SMURF2: variants seen among roughly 807,000 people sequenced by gnomAD.
SMURF2 encodes SMAD specific E3 ubiquitin protein ligase 2.
In SMURF2, 48 loss-of-function variants were observed where a neutral mutation model predicts 109.6. The observed-to-expected ratio is 0.44, with a 90% confidence interval of 0.35 to 0.56. The LOEUF (loss-of-function observed/expected upper bound fraction) is 0.56, where lower values mean the gene tolerates loss of function less well. Ranked by LOEUF, SMURF2 falls within the 20% of genes least tolerant of loss-of-function variation. SMURF2 has a pLI of 0.01. For missense variants in SMURF2, 575 were observed against 909.0 expected, an observed-to-expected ratio of 0.63 and a Z score of 4.72; for synonymous variants, 288 against 317.1, an observed-to-expected ratio of 0.91 and a Z score of 0.97.
intron 10 of SMURF2, 59 bp from the exon 11 acceptor site, chr17:64,563,025 T>A (rs1038150398): frequency 7.1e-7 from 1 of 1,409,948 alleles, no homozygotes. Context: ...ATTGCAATTA[T>A]AGATTTAAAA....
chr17:64,574,020 G>A (rs1475304310), intron 9 of SMURF2, among the ~76,000 whole-genome samples: 3 of 152,066 alleles, frequency 2.0e-5, no homozygotes, highest in African/African-American at 7.2e-5. Flanking sequence ...CAAAAATAAC[G>A]AATGGGTACT....
intron 16 of SMURF2, among the ~76,000 whole-genome samples, chr17:64,550,062 T>A (rs1278511162): frequency 6.6e-6 from 1 of 152,210 alleles, no homozygotes; most frequent in East Asian, 1.9e-4. Flanking sequence ...TATAAAGAGA[T>A]GAAAATGCAT....
At chr17:64,621,950 CGCAATAATA>C (rs1970209958) in intron 1 of SMURF2, among the ~76,000 whole-genome samples, 1 of 121,900 alleles carries the variant, frequency 8.2e-6, no homozygotes, top group South Asian at 2.4e-4. Context: ...GAGCCATCAT[CGCAATAATA>C]ATAATAATAA....
At chr17:64,566,560 G>GGTTTTTTTTTTTTT (rs1969305540) in intron 10 of SMURF2, among the ~76,000 whole-genome samples, 2 of 36,430 alleles carry the variant, frequency 5.5e-5, no homozygotes, top group African/African-American at 9.3e-5. Flanking sequence ...TAAGCTTTCT[G>GGTTTTTTTTTTTTT]GTTTTTTTTT....
chr17:64,585,118 A>G (rs1233627719), intron 6 of SMURF2, among the ~76,000 whole-genome samples: 2 of 152,228 alleles, frequency 1.3e-5, no homozygotes, highest in Non-Finnish European at 2.9e-5. Flanking sequence ...ATATACTTCA[A>G]TGGATGCAAT....
In SMURF2 at chr17:64,546,006, CA is replaced by C. The variant is rs1418478306; in HGVS notation, c.2148-60del. ...ATTCAAAATAAGTAAACTGGCCTAG[CA>C]AGTGTATACCAGTATAGCCACATCA... On this transcript the variant is annotated intron_variant, in intron 18 of 18. Transcript: ENST00000262435. 31 of 1,093,632 alleles carry C rather than the reference CA, an allele frequency of 2.8e-5. No homozygotes were observed. In the Middle Eastern group the frequency reaches 6.3e-4, roughly 22 times the overall value. The allele number at this position is 1,093,632 out of a possible 1,614,324, so 67.7% of individuals were successfully genotyped here.
rs879872644 is a variant in SMURF2 at position 64,662,057 on chromosome 17, G to T, written c.-177C>A. The T allele has an allele frequency of 2.6e-5, 29 of 1,106,048 alleles. No individual in the cohort carries two copies. The highest frequency in any genetic ancestry group is 3.1e-5 in the Non-Finnish European group (28 of 907,788). 68.5% of individuals were successfully genotyped at this position (1,106,048 alleles called of 1,614,324 possible). A position where few individuals can be genotyped will look rare whatever the true frequency, so the allele number is the denominator to read the frequency against. ...CCATGAGCCGCGGAGGGAGCGGGAC[G>T]CCGAGCTCCCCCCTCCTCCCACTTC... On this transcript the variant is annotated 5_prime_UTR_variant, in exon 1 of 19. Transcript: ENST00000262435.
chr17:64,646,303 T>C (rs967575106), intron 1 of SMURF2, among the ~76,000 whole-genome samples: 1 of 151,716 alleles, frequency 6.6e-6, no homozygotes, highest in African/African-American at 2.4e-5. Flanking sequence ...TGACCTCAAG[T>C]GATCTGCCCG....
At chr17:64,600,305 T>C (rs1969876137) in intron 2 of SMURF2, among the ~76,000 whole-genome samples, 1 of 152,128 alleles carries the variant, frequency 6.6e-6, no homozygotes, top group Admixed American at 6.5e-5. Context: ...ATAATGAAAA[T>C]GATTCTTTTG....
At chr17:64,637,280 C>T (rs1970429945) in intron 1 of SMURF2, among the ~76,000 whole-genome samples, 1 of 151,932 alleles carries the variant, frequency 6.6e-6, no homozygotes, top group South Asian at 2.1e-4. Context: ...GTGCCTGCCA[C>T]CATTCCTGGC....
In SMURF2 at chr17:64,545,742, G is replaced by C. The variant is rs575307694; in HGVS notation, c.*106C>G. Reference sequence around the variant, plus strand: ...AAAAAAAAAAAAAAAAAGGGGGGGGGGGGGAGTGTTTTCCTGTATTTCAGC... The same window carrying C: ...AAAAAAAAAAAAAAAAAGGGGGGGGCGGGGAGTGTTTTCCTGTATTTCAGC... On this transcript the variant is annotated 3_prime_UTR_variant, in exon 19 of 19. Coordinates refer to ENST00000262435, the MANE Select transcript of SMURF2 (RefSeq NM_022739.4). The C allele has an allele frequency of 8.8e-5, 35 of 397,810 alleles. 1 individual carries two copies. The highest frequency in any genetic ancestry group is 5.5e-4 in the South Asian group (10 of 18,280). 24.6% of individuals were successfully genotyped at this position (397,810 alleles called of 1,614,324 possible). A position where few individuals can be genotyped will look rare whatever the true frequency, so the allele number is the denominator to read the frequency against.
chr17:64,552,861 G>A (rs959583912), intron 15 of SMURF2, among the ~76,000 whole-genome samples: 3 of 151,950 alleles, frequency 2.0e-5, no homozygotes, highest in Non-Finnish European at 2.9e-5. Context: ...CTGCCAACAC[G>A]CTTAGCTAAT....
intron 1 of SMURF2, among the ~76,000 whole-genome samples, chr17:64,620,847 A>G (rs934261919): frequency 1.3e-5 from 2 of 152,222 alleles, no homozygotes; most frequent in Non-Finnish European, 2.9e-5. Context: ...TCAGAAAACC[A>G]CTGACGAGTT....
chr17:64,596,192 T>C (rs1273616067), intron 3 of SMURF2, among the ~76,000 whole-genome samples: 9 of 152,158 alleles, frequency 5.9e-5, no homozygotes, highest in African/African-American at 1.7e-4. Context: ...AATATATTAT[T>C]ATGCTTCATT....
At chr17:64,656,176 G>A (rs937931058) in intron 1 of SMURF2, among the ~76,000 whole-genome samples, 1 of 152,014 alleles carries the variant, frequency 6.6e-6, no homozygotes, top group African/African-American at 2.4e-5. Flanking sequence ...GTATAGAATA[G>A]GAAAAACAAA....
chr17:64,588,089 T>A (rs1969689358), intron 5 of SMURF2, among the ~76,000 whole-genome samples: 2 of 111,090 alleles, frequency 1.8e-5, no homozygotes, highest in Admixed American at 9.5e-5. Flanking sequence ...GTGTTTATGG[T>A]CCAAAAAAAA....
intron 1 of SMURF2, among the ~76,000 whole-genome samples, chr17:64,650,288 C>T (rs1160420798): frequency 6.7e-6 from 1 of 150,206 alleles, no homozygotes; most frequent in Non-Finnish European, 1.5e-5. Context: ...CCTCCAGTCT[C>T]AGCCTCCTAG....
chr17:64,585,084 A>G (rs1555686964), intron 6 of SMURF2, among the ~76,000 whole-genome samples: 1 of 152,244 alleles, frequency 6.6e-6, no homozygotes, highest in Non-Finnish European at 1.5e-5. Flanking sequence ...ATAAAAAATA[A>G]TTGGAGTTAA....
At chr17:64,623,618 T>C (rs1489293009) in intron 1 of SMURF2, among the ~76,000 whole-genome samples, 1 of 152,262 alleles carries the variant, frequency 6.6e-6, no homozygotes, top group African/African-American at 2.4e-5. Context: ...CAAAGGAATA[T>C]ACATCACATT....
Sources: allele counts gnomAD v4.1 joint callset (sites outside exome capture counted in the v4.1 genomes callset), GRCh38; gene constraint gnomAD v4.1.1; transcripts MANE v1.5; gene names NCBI Gene and HGNC (gene_info 2026-07-23, HGNC 2026-07-21).